DYM: variants seen among roughly 807,000 people sequenced by gnomAD.
DYM encodes the protein dymeclin.
A neutral mutation model predicts 93.1 loss-of-function variants in DYM; 78 were observed. The ratio of observed to expected loss-of-function variants is 0.84; its 90% CI spans 0.70 to 1.01. The LOEUF (loss-of-function observed/expected upper bound fraction) is 1.01, where lower values mean the gene tolerates loss of function less well. DYM is among the 50% of genes least tolerant of loss of function. The pLI is 0.00. For missense variants in DYM, 789 were observed against 845.0 expected (o/e 0.93, Z 0.82); for synonymous variants, 321 against 319.7 (o/e 1.00, Z -0.04).
At chr18:49,235,599 C>CT (rs947098503) in intron 13 of DYM, among the ~76,000 whole-genome samples, 3 of 151,916 alleles carry the variant, frequency 2.0e-5, no homozygotes, top group African/African-American at 7.3e-5. Context: ...TAAGAAAGTC[C>CT]TTTTTTAAGT....
chr18:49,269,440 T>A (rs2094634688), intron 11 of DYM, among the ~76,000 whole-genome samples: 1 of 152,162 alleles, frequency 6.6e-6, no homozygotes, highest in African/African-American at 2.4e-5. Flanking sequence ...GTGTATCATC[T>A]CACAATTCCT....
At chr18:49,046,709 G>A (rs2071635258) in intron 17 of DYM, among the ~76,000 whole-genome samples, 1 of 152,156 alleles carries the variant, frequency 6.6e-6, no homozygotes, top group Non-Finnish European at 1.5e-5. Context: ...AGACCAGCCT[G>A]AGCAACCTAG....
At chr18:49,383,197 C>T (rs2068223167) in intron 3 of DYM, among the ~76,000 whole-genome samples, 1 of 152,048 alleles carries the variant, frequency 6.6e-6, no homozygotes, top group South Asian at 2.1e-4. Flanking sequence ...ACTTATTTGG[C>T]CCCCAATTCA....
chr18:49,414,905 C>T (rs2072742064), intron 2 of DYM, among the ~76,000 whole-genome samples: 1 of 152,188 alleles, frequency 6.6e-6, no homozygotes, highest in Non-Finnish European at 1.5e-5. Flanking sequence ...CTTTGTCACT[C>T]ATGTTTTTAG....
intron 8 of DYM, chr18:49,321,111 A>T: frequency 3.0e-6 from 1 of 337,948 alleles, no homozygotes; most frequent in East Asian, 4.4e-5. Context: ...AATAAGATTT[A>T]TAGTCTCAAA....
At chr18:49,219,051 C>A (rs991111265) in intron 13 of DYM, among the ~76,000 whole-genome samples, 2 of 152,174 alleles carry the variant, frequency 1.3e-5, no homozygotes, top group East Asian at 1.9e-4. Flanking sequence ...CAAATAGATG[C>A]AATAAAAAAT....
chr18:49,340,227 C>T (rs943388210), intron 6 of DYM, among the ~76,000 whole-genome samples: 1 of 152,094 alleles, frequency 6.6e-6, no homozygotes, highest in African/African-American at 2.4e-5. Flanking sequence ...GCTGGGATTA[C>T]AAGCGTGAGC....
intron 13 of DYM, among the ~76,000 whole-genome samples, chr18:49,252,339 G>GGAAGGT (rs1361470192): frequency 1.3e-5 from 2 of 151,226 alleles, no homozygotes; most frequent in African/African-American, 4.9e-5. Flanking sequence ...ACATCATGGT[G>GGAAGGT]GAAGGTGAAG....
At chr18:49,175,997 C>A (rs540390269) in intron 14 of DYM, among the ~76,000 whole-genome samples, 52 of 152,212 alleles carry the variant, frequency 3.4e-4, no homozygotes, top group Admixed American at 2.9e-3. Flanking sequence ...TTCAGTATGA[C>A]CTTCATGGTA....
intron 14 of DYM, chr18:49,208,339 C>T (rs2092622987): frequency 6.6e-6 from 1 of 152,080 alleles, no homozygotes; most frequent in Non-Finnish European, 1.5e-5. Flanking sequence ...CCTGATATTC[C>T]CTCACTTTCC....
intron 8 of DYM, among the ~76,000 whole-genome samples, chr18:49,303,820 TA>T (rs2061101570): frequency 6.6e-6 from 1 of 152,238 alleles, no homozygotes; most frequent in Non-Finnish European, 1.5e-5. Context: ...ATTAATTTAC[TA>T]AATGAATTAT....
chr18:49,454,205 T>G (rs1332764647), intron 1 of DYM, among the ~76,000 whole-genome samples: 1 of 151,806 alleles, frequency 6.6e-6, no homozygotes, highest in East Asian at 1.9e-4. Context: ...GCAGTTAGGG[T>G]TGCCACTCCA....
chr18:49,235,044 T>A (rs2093819421), intron 13 of DYM, among the ~76,000 whole-genome samples: 1 of 152,146 alleles, frequency 6.6e-6, no homozygotes, highest in African/African-American at 2.4e-5. Context: ...TCCCAGAGCC[T>A]CCCAATATGA....
In DYM at chr18:49,098,170, T is replaced by C. The variant is rs534597768; in HGVS notation, c.1912-655A>G. Among the ~76,000 whole-genome samples the C allele has an allele frequency of 1.4e-3, 210 of 152,336 alleles. 1 individual carries two copies. Among genetic ancestry groups the C allele is most frequent in the Non-Finnish European group, 1.6e-4 (11 of 68,028 alleles). On this transcript the variant is annotated intron_variant, in intron 16 of 17. Transcript: ENST00000675505. ...CAAAACATCATTTTTCAGCAAATTA[T>C]TTTTAAAACCACAATGTTCATAAAT...
intron 14 of DYM, among the ~76,000 whole-genome samples, chr18:49,198,227 A>C (rs1011124691): frequency 2.0e-5 from 3 of 152,214 alleles, no homozygotes; most frequent in African/African-American, 4.8e-5. Flanking sequence ...TACAAAAATT[A>C]ATTCAAGATG....
At chr18:49,387,658 AAC>A (rs1331094278) in intron 3 of DYM, among the ~76,000 whole-genome samples, 3 of 152,162 alleles carry the variant, frequency 2.0e-5, no homozygotes, top group Admixed American at 1.3e-4. Context: ...ATTTTTTTGC[AAC>A]ACAGTTATAA....
intron 2 of DYM, among the ~76,000 whole-genome samples, chr18:49,405,397 A>C (rs929350953): frequency 2.0e-5 from 3 of 152,204 alleles, no homozygotes; most frequent in Non-Finnish European, 4.4e-5. Context: ...TTAAATCTTT[A>C]ATCCATCTTC....
chr18:49,289,689 C>A (rs2059909486), intron 8 of DYM, among the ~76,000 whole-genome samples: 1 of 137,060 alleles, frequency 7.3e-6, no homozygotes, highest in Non-Finnish European at 1.5e-5. Context: ...CCAACCCAGG[C>A]AACAGAATAA....
At chr18:49,452,535 G>C (rs975062185) in intron 1 of DYM, among the ~76,000 whole-genome samples, 1 of 152,126 alleles carries the variant, frequency 6.6e-6, no homozygotes, top group African/African-American at 2.4e-5. Context: ...CACCAGATTA[G>C]CTAGATACAG....
Sources: allele counts gnomAD v4.1 joint callset (sites outside exome capture counted in the v4.1 genomes callset), GRCh38; gene constraint gnomAD v4.1.1; transcripts MANE v1.5; gene names NCBI Gene and HGNC (gene_info 2026-07-23, HGNC 2026-07-21).